DTNB: variants seen among roughly 807,000 people sequenced by gnomAD.
DTNB encodes the protein DTN-B.
Under a neutral mutation model 90.7 loss-of-function variants are expected in DTNB, and 63 were observed. That is an observed-to-expected ratio of 0.69 (90% confidence interval 0.57 to 0.86). The LOEUF (loss-of-function observed/expected upper bound fraction) is 0.86. Ranked by LOEUF, DTNB falls within the 40% of genes least tolerant of loss-of-function variation. The pLI, the probability that DTNB is intolerant of heterozygous loss-of-function variation, is 0.00. For missense variants in DTNB, 744 were observed against 807.1 expected (o/e 0.92, Z 0.95); for synonymous variants, 277 against 286.7 (o/e 0.97, Z 0.34).
chr2:25,523,888 T>A (rs2076602878), intron 9 of DTNB, among the ~76,000 whole-genome samples: 1 of 150,728 alleles, frequency 6.6e-6, no homozygotes, highest in East Asian at 1.9e-4. Flanking sequence ...AGTAACTTGG[T>A]CATCTGTACT....
chr2:25,482,658 A>T, intron 10 of DTNB, 138 bp downstream of exon 10: 1 of 810,220 alleles, frequency 1.2e-6, no homozygotes, highest in Non-Finnish European at 2.0e-6. Flanking sequence ...AGACTAAAAG[A>T]CGGTCAAAGG....
chr2:25,555,918 G>A (rs913443160), intron 8 of DTNB, among the ~76,000 whole-genome samples: 1 of 152,110 alleles, frequency 6.6e-6, no homozygotes, highest in African/African-American at 2.4e-5. Context: ...TACTTGGGAG[G>A]CTAAGGCAGG....
At chr2:25,593,117 A>G (rs1031664587) in intron 6 of DTNB, among the ~76,000 whole-genome samples, 4 of 152,184 alleles carry the variant, frequency 2.6e-5, no homozygotes, top group African/African-American at 4.8e-5. Context: ...GAAGCAGCTC[A>G]TGGGTCCTTG....
chr2:25,485,296 C>T lies in DTNB; in HGVS notation c.1002-2423G>A, dbSNP rs76215106. On this transcript the variant is annotated intron_variant, in intron 9 of 20. Coordinates refer to ENST00000406818, the MANE Select transcript of DTNB (RefSeq NM_021907.5). Reference sequence around the variant, plus strand: ...ATGCTAGGATTACAGGTGTGAGCCACCATTCCCGGCCACCTGCTATATTTC... The same window carrying T: ...ATGCTAGGATTACAGGTGTGAGCCATCATTCCCGGCCACCTGCTATATTTC... Among the ~76,000 whole-genome samples, 769 of 152,272 alleles carry T rather than the reference C, an allele frequency of 5.1e-3. 4 individuals are homozygous for T. Among genetic ancestry groups the T allele is most frequent in the Non-Finnish European group, 9.0e-3 (615 of 68,024 alleles).
chr2:25,636,247 T>G (rs755116196), intron 3 of DTNB, among the ~76,000 whole-genome samples: 9 of 152,160 alleles, frequency 5.9e-5, no homozygotes, highest in Non-Finnish European at 1.0e-4. Context: ...TTCTGTTTAT[T>G]GACCCTTTCA....
chr2:25,462,734 C>T (rs1042001727), intron 10 of DTNB, among the ~76,000 whole-genome samples: 3 of 151,208 alleles, frequency 2.0e-5, no homozygotes, highest in Non-Finnish European at 4.4e-5. Context: ...GACGGAGTCT[C>T]GCTCTGTCGC....
intron 4 of DTNB, among the ~76,000 whole-genome samples, chr2:25,624,602 T>G (rs1438243505): frequency 6.6e-6 from 1 of 152,172 alleles, no homozygotes; most frequent in Non-Finnish European, 1.5e-5. Flanking sequence ...GAAAAGGCCA[T>G]GTGGGTAGGC....
intron 16 of DTNB, among the ~76,000 whole-genome samples, chr2:25,397,258 A>G (rs1329560099): frequency 6.6e-6 from 1 of 151,800 alleles, no homozygotes; most frequent in African/African-American, 2.4e-5. Flanking sequence ...GAATTGCTTG[A>G]ATCTGGGAGG....
intron 9 of DTNB, among the ~76,000 whole-genome samples, chr2:25,503,652 C>T (rs1174918278): frequency 2.0e-5 from 3 of 152,144 alleles, no homozygotes; most frequent in African/African-American, 4.8e-5. Flanking sequence ...CAGTGGCTCA[C>T]GCCTGTAATC....
At chr2:25,408,803 C>T (rs193276505) in intron 16 of DTNB, among the ~76,000 whole-genome samples, 2 of 152,224 alleles carry the variant, frequency 1.3e-5, no homozygotes, top group African/African-American at 2.4e-5. Flanking sequence ...TTAGCACTAT[C>T]GTTACTATGG....
rs143218564 is a variant in DTNB at position 25,531,526 on chromosome 2, C to A, written c.948G>T (p.Pro316=). Residue 316 remains proline (P), a synonymous_variant, in exon 9 of 21, where the codon CCG becomes CCT. Coordinates refer to ENST00000406818, the MANE Select transcript of DTNB (RefSeq NM_021907.5). The stretch of plus-strand genomic sequence containing the variant: ...CTGGTTGCTCAGGAAAAACAGGATG[C>A]GGGGGTTCTCTCGTGGGTACACACC... The part of the protein sequence containing the change: ...SLGCVPTREP[P]HPVFPEQPEK... The A allele has an allele frequency of 6.2e-7, 1 of 1,613,820 alleles. No individual in the cohort carries two copies. Among genetic ancestry groups the A allele is most frequent in the South Asian group, 1.1e-5 (1 of 91,066 alleles).
chr2:25,535,528 AC>A (rs2079369639), intron 8 of DTNB, among the ~76,000 whole-genome samples: 4 of 136,004 alleles, frequency 2.9e-5, no homozygotes, highest in African/African-American at 1.1e-4. Flanking sequence ...CACTTCCCAG[AC>A]GGGGCGGCCG....
intron 9 of DTNB, among the ~76,000 whole-genome samples, chr2:25,512,861 T>C (rs891609993): frequency 6.6e-6 from 1 of 152,242 alleles, no homozygotes; most frequent in South Asian, 2.1e-4. Context: ...AGAGGCTTTG[T>C]CCTCCATAAA....
At chr2:25,618,955 G>T (rs74547780) in intron 4 of DTNB, among the ~76,000 whole-genome samples, 1 of 152,094 alleles carries the variant, frequency 6.6e-6, no homozygotes, top group African/African-American at 2.4e-5. Context: ...CTGAATAAAC[G>T]CTGTTATGTT....
chr2:25,503,220 T>G (rs768005915), intron 9 of DTNB, among the ~76,000 whole-genome samples: 3 of 152,124 alleles, frequency 2.0e-5, no homozygotes, highest in Non-Finnish European at 4.4e-5. Context: ...TCAGGTGCAG[T>G]GGCTCACGCC....
At chr2:25,628,891 T>C (rs549783546) in intron 3 of DTNB, among the ~76,000 whole-genome samples, 1 of 152,356 alleles carries the variant, frequency 6.6e-6, no homozygotes, top group East Asian at 1.9e-4. Context: ...GAACAACTCA[T>C]AGCTCAGCCA....
chr2:25,521,386 A>AT lies in DTNB; in HGVS notation c.1001+10086dup, dbSNP rs58602052. 5.7e-3 allele frequency among the ~76,000 whole-genome samples: 793 copies of AT among 137,942 alleles called. 1 individual carries two copies. Among genetic ancestry groups the AT allele is most frequent in the East Asian group, 8.1e-3 (39 of 4,816 alleles). 90.5% of individuals were successfully genotyped at this position (137,942 alleles called of 152,430 possible). On this transcript the variant is annotated intron_variant, in intron 9 of 20. Coordinates refer to ENST00000406818, the MANE Select transcript of DTNB (RefSeq NM_021907.5). ...GAGTGAGTATGGCTGTGTCCCAATA[A>AT]TTTTTTTTTTTTTTTTTTTTAAGAC...
At chr2:25,635,369 G>A (rs1403681788) in intron 3 of DTNB, among the ~76,000 whole-genome samples, 3 of 152,188 alleles carry the variant, frequency 2.0e-5, no homozygotes, top group Non-Finnish European at 4.4e-5. Context: ...GGAGGTTGCA[G>A]TGAGCCAAGA....
At chr2:25,427,042 G>C (rs2051923682) in intron 15 of DTNB, among the ~76,000 whole-genome samples, 1 of 152,064 alleles carries the variant, frequency 6.6e-6, no homozygotes, top group Non-Finnish European at 1.5e-5. Context: ...GCTGGGCGTG[G>C]TGGTGGGCGC....
Sources: gnomAD v4.1 joint callset for allele counts (sites outside exome capture counted in the v4.1 genomes callset) on GRCh38, gnomAD v4.1.1 for gene constraint, MANE v1.5 for transcripts, NCBI Gene and HGNC (gene_info 2026-07-23, HGNC 2026-07-21) for gene names.